The following PCDHA8 variants were observed in gnomAD, a reference collection of about 807,000 sequenced individuals.
PCDHA8 encodes protocadherin alpha 8.
A neutral mutation model predicts 61.8 loss-of-function variants in PCDHA8; 53 were observed. The ratio of observed to expected loss-of-function variants is 0.86; its 90% CI spans 0.69 to 1.08. The LOEUF (loss-of-function observed/expected upper bound fraction) is 1.08, where lower values mean the gene tolerates loss of function less well. PCDHA8 is among the 50% of genes least tolerant of loss of function. The pLI is 0.00. For synonymous variants in PCDHA8, 618 were observed against 556.6 expected, an observed-to-expected ratio of 1.11 and a Z score of -1.55; for missense variants, 1,293 against 1,245.0, an observed-to-expected ratio of 1.04 and a Z score of -0.58.
intron 1 of PCDHA8, chr5:140,857,104 TTC>T: frequency 6.3e-7 from 1 of 1,597,962 alleles, no homozygotes; most frequent in Non-Finnish European, 8.6e-7. Flanking sequence ...TGATTGTCAC[TTC>T]TCTGTCTCTC....
At chr5:140,937,067 T>C (rs2091302961) in intron 1 of PCDHA8, among the ~76,000 whole-genome samples, 1 of 148,650 alleles carries the variant, frequency 6.7e-6, no homozygotes, top group South Asian at 2.1e-4. Flanking sequence ...AGACGGAGTC[T>C]CGCTCTGTCG....
At chr5:140,887,459 G>T (rs532781133) in intron 1 of PCDHA8, among the ~76,000 whole-genome samples, 4 of 152,126 alleles carry the variant, frequency 2.6e-5, no homozygotes, top group Non-Finnish European at 5.9e-5. Flanking sequence ...TTTTTTAAAA[G>T]ATATAATTCA....
At chr5:140,937,824 A>G (rs1229119616) in intron 1 of PCDHA8, among the ~76,000 whole-genome samples, 1 of 151,696 alleles carries the variant, frequency 6.6e-6, no homozygotes, top group African/African-American at 2.4e-5. Context: ...AGGCAGGAGA[A>G]TGGCATGAAC....
intron 1 of PCDHA8, chr5:140,926,720 T>C (rs2083499438): frequency 2.0e-6 from 2 of 1,002,404 alleles, no homozygotes; most frequent in Non-Finnish European, 2.7e-6. Flanking sequence ...GCCCCGGCAA[T>C]GCCGGCGTTC....
intron 1 of PCDHA8, among the ~76,000 whole-genome samples, chr5:140,878,691 A>G (rs2057689901): frequency 6.6e-6 from 1 of 152,168 alleles, no homozygotes; most frequent in Non-Finnish European, 1.5e-5. Context: ...AGTCTTACAT[A>G]CCCCAGCCTG....
chr5:140,869,670 T>G, intron 1 of PCDHA8: 1 of 1,613,470 alleles, frequency 6.2e-7, no homozygotes, highest in Non-Finnish European at 8.5e-7. Context: ...GTAAGCAGAT[T>G]AAAAGACTGT....
At chr5:140,887,062 C>A (rs1183265871) in intron 1 of PCDHA8, among the ~76,000 whole-genome samples, 2 of 151,718 alleles carry the variant, frequency 1.3e-5, no homozygotes, top group African/African-American at 4.8e-5. Flanking sequence ...GTTCTGGCAA[C>A]AAATTCACTC....
intron 3 of PCDHA8, among the ~76,000 whole-genome samples, chr5:140,993,043 A>G (rs1402138607): frequency 1.3e-5 from 2 of 152,186 alleles, no homozygotes; most frequent in Non-Finnish European, 2.9e-5. Context: ...TGTGTCATCA[A>G]GATGTCAATC....
At chr5:140,925,955 G>A (rs1350124934) in intron 1 of PCDHA8, among the ~76,000 whole-genome samples, 1 of 152,076 alleles carries the variant, frequency 6.6e-6, no homozygotes, top group Non-Finnish European at 1.5e-5. Context: ...AGGAGAAACT[G>A]CTATCACGCA....
intron 1 of PCDHA8, chr5:140,876,474 C>T: frequency 6.2e-7 from 1 of 1,614,014 alleles, no homozygotes; most frequent in Non-Finnish European, 8.5e-7. Flanking sequence ...CAGGTCACAG[C>T]ATGGTCCTGG....
intron 1 of PCDHA8, among the ~76,000 whole-genome samples, chr5:140,901,473 A>C (rs1554189862): frequency 1.3e-5 from 2 of 152,012 alleles, no homozygotes. Flanking sequence ...TCTCGAGTTT[A>C]TGTTCTTGGC....
chr5:140,995,544 A>T (rs2097688289), intron 3 of PCDHA8, among the ~76,000 whole-genome samples: 1 of 152,234 alleles, frequency 6.6e-6, no homozygotes, highest in African/African-American at 2.4e-5. Context: ...ATAAGGGGCG[A>T]TCACTGTACT....
intron 1 of PCDHA8, among the ~76,000 whole-genome samples, chr5:140,899,128 T>A (rs1217010779): frequency 3.9e-5 from 6 of 152,160 alleles, no homozygotes; most frequent in Non-Finnish European, 7.3e-5. Context: ...CAATCATGTC[T>A]TCTGCAAACA....
intron 1 of PCDHA8, among the ~76,000 whole-genome samples, chr5:140,935,749 A>G (rs1245640487): frequency 6.6e-6 from 1 of 152,172 alleles, no homozygotes; most frequent in African/African-American, 2.4e-5. Flanking sequence ...ATTCCATACA[A>G]TACACATTCT....
chr5:140,844,793 A>G (rs1417087435), intron 1 of PCDHA8, among the ~76,000 whole-genome samples: 1 of 149,016 alleles, frequency 6.7e-6, no homozygotes, highest in Non-Finnish European at 1.5e-5. Context: ...ATCTTTCAAC[A>G]TTTTCTTTCT....
intron 1 of PCDHA8, chr5:140,871,324 T>G (rs1554165430): frequency 3.1e-6 from 5 of 1,614,048 alleles, no homozygotes; most frequent in Non-Finnish European, 4.2e-6. Flanking sequence ...GCTGGTGTGC[T>G]CCCGCGCGGT....
At chr5:140,927,721 C>G in intron 1 of PCDHA8, 1 of 1,614,204 alleles carries the variant, frequency 6.2e-7, no homozygotes, top group Non-Finnish European at 8.5e-7. Flanking sequence ...CAACAGCACG[C>G]AAGCAGAGCT....
chr5:140,933,423 A>G (rs2089141997), intron 1 of PCDHA8, among the ~76,000 whole-genome samples: 1 of 152,144 alleles, frequency 6.6e-6, no homozygotes, highest in Non-Finnish European at 1.5e-5. Flanking sequence ...TTCTGTGTTC[A>G]TAGGGGCACT....
At chr5:141,004,935 A>AATTTCTT (rs2098189293) in intron 3 of PCDHA8, among the ~76,000 whole-genome samples, 1 of 152,112 alleles carries the variant, frequency 6.6e-6, no homozygotes, top group African/African-American at 2.4e-5. Context: ...GAGAGAAGAA[A>AATTTCTT]ATTTCTTACC....
Sources: allele counts gnomAD v4.1 joint callset (sites outside exome capture counted in the v4.1 genomes callset), GRCh38; gene constraint gnomAD v4.1.1; transcripts MANE v1.5; gene names NCBI Gene and HGNC (gene_info 2026-07-23, HGNC 2026-07-21).